CCDC102B: variants seen among roughly 807,000 people sequenced by gnomAD.
The protein encoded by CCDC102B is coiled-coil domain containing 102B, also known as coiled-coil domain-containing protein 102B.
CCDC102B carries 75 observed loss-of-function variants against 57.4 expected under a neutral mutation model. The observed-to-expected ratio is 1.31, with a 90% confidence interval of 1.08 to 1.58. The LOEUF is 1.58. Among genes scored for constraint, CCDC102B ranks in the 40% most tolerant of loss-of-function variants. The pLI, the probability that CCDC102B is intolerant of heterozygous loss-of-function variation, is 0.00. For missense variants in CCDC102B, 636 were observed against 582.6 expected, an observed-to-expected ratio of 1.09 and a Z score of -0.94; for synonymous variants, 206 against 201.9, an observed-to-expected ratio of 1.02 and a Z score of -0.17.
chr18:69,047,361 C>T (rs1451694051), intron 7 of CCDC102B, among the ~76,000 whole-genome samples: 2 of 152,080 alleles, frequency 1.3e-5, no homozygotes, highest in East Asian at 3.9e-4. Context: ...TAAAAACCCT[C>T]AGTAAACTAG....
At chr18:68,775,161 T>C (rs2034769648) in intron 2 of CCDC102B, among the ~76,000 whole-genome samples, 1 of 151,686 alleles carries the variant, frequency 6.6e-6, no homozygotes, top group Non-Finnish European at 1.5e-5. Flanking sequence ...ACTTCTAATA[T>C]TGACAGATAT....
chr18:68,725,737 A>C (rs777515383), intron 2 of CCDC102B, among the ~76,000 whole-genome samples: 1 of 152,224 alleles, frequency 6.6e-6, no homozygotes, highest in African/African-American at 2.4e-5. Context: ...TCCATATCTT[A>C]AAGTCACCTG....
intron 6 of CCDC102B, among the ~76,000 whole-genome samples, chr18:68,946,619 A>G (rs1356029980): frequency 6.6e-6 from 1 of 152,064 alleles, no homozygotes; most frequent in Admixed American, 6.6e-5. Context: ...TTTTTCATAA[A>G]TAATCAAAAC....
intron 2 of CCDC102B, among the ~76,000 whole-genome samples, chr18:68,755,599 A>G (rs2034020816): frequency 6.6e-6 from 1 of 152,174 alleles, no homozygotes; most frequent in Non-Finnish European, 1.5e-5. Flanking sequence ...CTTAACTTGG[A>G]ATGAAATATG....
At chr18:68,845,915 G>C (rs942122125) in intron 3 of CCDC102B, among the ~76,000 whole-genome samples, 1 of 151,676 alleles carries the variant, frequency 6.6e-6, no homozygotes, top group African/African-American at 2.4e-5. Context: ...CATTTCAAAT[G>C]ATTTTTTTCA....
chr18:69,055,204 C>T, downstream of CCDC102B: 2 of 929,024 alleles, frequency 2.2e-6, no homozygotes, highest in Non-Finnish European at 2.6e-6. Flanking sequence ...ATTGTAAAAG[C>T]CTTTGTCATT....
chr18:69,014,289 G>A (rs953878807), intron 7 of CCDC102B, among the ~76,000 whole-genome samples: 1 of 152,162 alleles, frequency 6.6e-6, no homozygotes, highest in Non-Finnish European at 1.5e-5. Flanking sequence ...AGCTGAGCAT[G>A]CTCTCAACTC....
At chr18:68,987,575 A>T (rs1325765328) in intron 6 of CCDC102B, among the ~76,000 whole-genome samples, 3 of 152,188 alleles carry the variant, frequency 2.0e-5, no homozygotes, top group Non-Finnish European at 4.4e-5. Context: ...TAAACTAAAG[A>T]TCTTCTGCAC....
chr18:68,765,371 A>AAG (rs1160942442), intron 2 of CCDC102B, among the ~76,000 whole-genome samples: 1 of 147,838 alleles, frequency 6.8e-6, no homozygotes, highest in Non-Finnish European at 1.5e-5. Context: ...GAAAGAAAGA[A>AAG]AGAAAGAAAA....
At chr18:68,912,286 T>G (rs1318181007) in intron 6 of CCDC102B, among the ~76,000 whole-genome samples, 1 of 152,236 alleles carries the variant, frequency 6.6e-6, no homozygotes, top group Non-Finnish European at 1.5e-5. Flanking sequence ...AAAACACTAC[T>G]CTGTAAGTAC....
chr18:68,866,719 T>C, intron 4 of CCDC102B: 1 of 545,554 alleles, frequency 1.8e-6, no homozygotes, highest in African/African-American at 1.9e-5. Flanking sequence ...CATGACGATG[T>C]CCATTTGCCA....
intron 6 of CCDC102B, among the ~76,000 whole-genome samples, chr18:68,958,683 T>C (rs1381161347): frequency 6.6e-6 from 1 of 152,168 alleles, no homozygotes; most frequent in African/African-American, 2.4e-5. Context: ...TGCTTTATTC[T>C]TTTTCTTTTT....
rs200937779 is a variant in CCDC102B, at chr18:68,836,630, T to TA, written c.-15-110dup. 2.9e-3 allele frequency: 1,711 copies of TA among 593,140 alleles called. 48 individuals carry two copies. The African/African-American group carries it at 0.032, about 11-fold the overall frequency. 36.7% of individuals were successfully genotyped at this position (593,140 alleles called of 1,614,324 possible). ...TGACAGAGCAAGACTCTGTCAAAAA[T>TA]AAAAAAAAAGCATTGTTTTCATCAA... On this transcript the variant is annotated intron_variant, in intron 1 of 7. Coordinates refer to ENST00000360242, the MANE Select transcript of CCDC102B (RefSeq NM_024781.3).
chr18:68,869,940 T>C (rs1294205218), intron 4 of CCDC102B, among the ~76,000 whole-genome samples: 1 of 152,208 alleles, frequency 6.6e-6, no homozygotes, highest in East Asian at 1.9e-4. Context: ...TTTCTGCATA[T>C]GGCTAGCCAG....
At chr18:69,030,671 T>A (rs551380740) in intron 7 of CCDC102B, among the ~76,000 whole-genome samples, 1 of 152,314 alleles carries the variant, frequency 6.6e-6, no homozygotes, top group African/African-American at 2.4e-5. Flanking sequence ...TGTTTTGGTT[T>A]TTGTTTTTGG....
chr18:68,813,430 G>T (rs1348336952), intron 1 of CCDC102B, among the ~76,000 whole-genome samples: 1 of 152,138 alleles, frequency 6.6e-6, no homozygotes, highest in South Asian at 2.1e-4. Context: ...GAGGAGAGAA[G>T]GGTAGAGGAA....
chr18:68,733,030 G>A (rs1313000607), intron 2 of CCDC102B, among the ~76,000 whole-genome samples: 1 of 152,074 alleles, frequency 6.6e-6, no homozygotes, highest in Admixed American at 6.5e-5. Flanking sequence ...GTTATGCTAA[G>A]GCTAGAGCGA....
intron 5 of CCDC102B, among the ~76,000 whole-genome samples, chr18:68,882,884 G>A (rs910433543): frequency 4.3e-4 from 65 of 152,188 alleles, no homozygotes; most frequent in African/African-American, 1.5e-3. Flanking sequence ...AACTAATAAA[G>A]GAACAGAAAA....
chr18:69,016,603 C>T (rs2051676071), intron 7 of CCDC102B, among the ~76,000 whole-genome samples: 1 of 152,276 alleles, frequency 6.6e-6, no homozygotes, highest in East Asian at 1.9e-4. Flanking sequence ...ATTATAGTCA[C>T]TGTTGCAAAT....
Sources: allele counts gnomAD v4.1 joint callset (sites outside exome capture counted in the v4.1 genomes callset), GRCh38; gene constraint gnomAD v4.1.1; transcripts MANE v1.5; gene names NCBI Gene and HGNC (gene_info 2026-07-23, HGNC 2026-07-21).